The following RARB variants were observed in gnomAD, a reference collection of about 807,000 sequenced individuals.
The protein encoded by RARB is retinoic acid receptor beta.
RARB carries 17 observed loss-of-function variants against 51.9 expected under a neutral mutation model. That is an observed-to-expected ratio of 0.33 (90% CI 0.22 to 0.49). RARB has a LOEUF of 0.49. Among genes scored for constraint, RARB ranks in the 20% least tolerant of loss-of-function variants. The pLI, the probability that RARB is intolerant of heterozygous loss-of-function variation, is 0.99. For synonymous variants in RARB, 215 were observed against 195.4 expected, an observed-to-expected ratio of 1.10 and a Z score of -0.84; for missense variants, 369 against 550.8, an observed-to-expected ratio of 0.67 and a Z score of 3.30.
At chr3:25,565,010 A>G (rs1007981817) in intron 3 of RARB, among the ~76,000 whole-genome samples, 1 of 152,008 alleles carries the variant, frequency 6.6e-6, no homozygotes, top group African/African-American at 2.4e-5. Context: ...GCATCCCTCA[A>G]TTTACCCTCC....
intron 1 of RARB, among the ~76,000 whole-genome samples, chr3:24,849,646 C>G (rs754207407): frequency 6.6e-6 from 1 of 152,240 alleles, no homozygotes; most frequent in Non-Finnish European, 1.5e-5. Flanking sequence ...TTCTCAAATA[C>G]AGGTATTTTC....
At chr3:24,866,819 G>T (rs764412099) in intron 2 of RARB, among the ~76,000 whole-genome samples, 9 of 152,092 alleles carry the variant, frequency 5.9e-5, no homozygotes, top group Non-Finnish European at 1.2e-4. Flanking sequence ...GGGGAGAGCA[G>T]GGTTTTATTA....
chr3:25,206,288 G>A (rs1438891379), intron 5 of RARB, among the ~76,000 whole-genome samples: 2 of 152,114 alleles, frequency 1.3e-5, no homozygotes, highest in Non-Finnish European at 2.9e-5. Context: ...ACATAAATTT[G>A]ATATTTTTAA....
At chr3:24,882,120 A>G (rs1014158745) in intron 2 of RARB, among the ~76,000 whole-genome samples, 1 of 152,242 alleles carries the variant, frequency 6.6e-6, no homozygotes, top group Non-Finnish European at 1.5e-5. Context: ...AGGTAGAATG[A>G]CAGGCAAGAC....
chr3:25,333,291 A>G (rs1388196059), intron 5 of RARB, among the ~76,000 whole-genome samples: 27 of 152,236 alleles, frequency 1.8e-4, no homozygotes, highest in African/African-American at 6.0e-4. Context: ...ACAAGGCTAC[A>G]GTAACCAAAA....
At position 25,208,752 on chromosome 3, in the gene RARB, C is replaced by A. The variant is rs116527747; in HGVS notation, c.178+34177C>A. Among the ~76,000 whole-genome samples the A allele has an allele frequency of 5.0e-3, 758 of 152,136 alleles. 5 individuals carry two copies. The highest frequency in any genetic ancestry group is 0.017 in the African/African-American group (712 of 41,496). ...TAAAGCAATGAGATCTCATTGAGCC[C>A]CTCACATGTTGGCTGCCAAGTTCCC... On this transcript the variant is annotated intron_variant, in intron 5 of 11. Transcript: ENST00000383772.
At chr3:25,560,703 C>T (rs965728227) in intron 3 of RARB, among the ~76,000 whole-genome samples, 8 of 152,206 alleles carry the variant, frequency 5.3e-5, no homozygotes, top group Non-Finnish European at 1.0e-4. Flanking sequence ...TCCTCCCTCC[C>T]TCATTTTTTC....
chr3:24,971,729 T>G (rs141853425), intron 2 of RARB, among the ~76,000 whole-genome samples: 231 of 152,124 alleles, frequency 1.5e-3, no homozygotes, highest in African/African-American at 5.4e-3. Flanking sequence ...ACATTTTTAT[T>G]AGCATAACTT....
intron 2 of RARB, among the ~76,000 whole-genome samples, chr3:25,047,404 G>A (rs2125297876): frequency 6.6e-6 from 1 of 152,150 alleles, no homozygotes; most frequent in African/African-American, 2.4e-5. Flanking sequence ...AATCCATAAG[G>A]AAAAGCTGGG....
chr3:24,900,540 C>T (rs993151408), intron 2 of RARB, among the ~76,000 whole-genome samples: 2 of 152,244 alleles, frequency 1.3e-5, no homozygotes, highest in African/African-American at 2.4e-5. Context: ...CCTCTCTTGT[C>T]GTTTGGTTCA....
At position 25,567,015 on chromosome 3, in the gene RARB, A is replaced by C. The variant is rs146634535; in HGVS notation, c.449-2743A>C. On this transcript the variant is annotated intron_variant, in intron 3 of 7. Transcript: ENST00000330688. ...CCTTGCCACACAATCACTAAAGGGT[A>C]GTGAGGCTGCTGCTGTGTTTTAATG... Among the ~76,000 whole-genome samples, 679 of 152,280 alleles carry C rather than the reference A, an allele frequency of 4.5e-3. 7 individuals are homozygous for C. Among genetic ancestry groups the C allele is most frequent in the African/African-American group, 0.015 (629 of 41,566 alleles).
chr3:25,186,728 A>T (rs1433639418), intron 5 of RARB, among the ~76,000 whole-genome samples: 2 of 151,832 alleles, frequency 1.3e-5, no homozygotes. Context: ...AATTGTAGAA[A>T]AGAAATGATT....
intron 2 of RARB, among the ~76,000 whole-genome samples, chr3:24,902,350 T>G (rs2125372490): frequency 6.6e-6 from 1 of 152,300 alleles, no homozygotes; most frequent in Non-Finnish European, 1.5e-5. Flanking sequence ...AATTTAAATT[T>G]CCAGGGAATC....
At chr3:24,969,651 A>AAGAAGGAGAAGAGAGCT (rs961733516) in intron 2 of RARB, among the ~76,000 whole-genome samples, 1 of 152,118 alleles carries the variant, frequency 6.6e-6, no homozygotes, top group Non-Finnish European at 1.5e-5. Flanking sequence ...ATTTTGTTTT[A>AAGAAGGAGAAGAGAGCT]AGAAGGAGAA....
chr3:25,197,624 T>C lies in RARB; in HGVS notation c.178+23049T>C, dbSNP rs563997023. On this transcript the variant is annotated intron_variant, in intron 5 of 11. Transcript: ENST00000383772. ...ACAAAATCAACCTACAAAATATCAG[T>C]AGCATTTCTATATATCAATAGCAAA... is the stretch of plus-strand genomic sequence containing the variant. Among the ~76,000 whole-genome samples the C allele has an allele frequency of 1.5e-4, 23 of 152,114 alleles. 1 individual carries two copies. The highest frequency in any genetic ancestry group is 4.3e-4 in the African/African-American group (18 of 41,536).
At chr3:24,872,401 A>C (rs1056541689) in intron 2 of RARB, among the ~76,000 whole-genome samples, 2 of 151,986 alleles carry the variant, frequency 1.3e-5, no homozygotes, top group Non-Finnish European at 2.9e-5. Context: ...CTATTATTCC[A>C]TTTTACCTTG....
chr3:24,935,500 T>A, intron 2 of RARB, among the ~76,000 whole-genome samples: 1 of 152,168 alleles, frequency 6.6e-6, no homozygotes, highest in East Asian at 1.9e-4. Context: ...TACAGTAGTC[T>A]GTTATGATTT....
At chr3:24,932,982 C>A (rs549339071) in intron 2 of RARB, among the ~76,000 whole-genome samples, 1 of 152,054 alleles carries the variant, frequency 6.6e-6, no homozygotes, top group African/African-American at 2.4e-5. Flanking sequence ...TTTAAGTGGG[C>A]AGAATAAATT....
chr3:25,292,627 A>G (rs974304590), intron 5 of RARB, among the ~76,000 whole-genome samples: 48 of 152,194 alleles, frequency 3.2e-4, no homozygotes, highest in Non-Finnish European at 4.3e-4. Flanking sequence ...AGAAAGATTT[A>G]TATTAATGCC....
Sources: allele counts gnomAD v4.1 joint callset (sites outside exome capture counted in the v4.1 genomes callset), GRCh38; gene constraint gnomAD v4.1.1; transcripts MANE v1.5; gene names NCBI Gene and HGNC (gene_info 2026-07-23, HGNC 2026-07-21).